IL33: variants seen among roughly 807,000 people sequenced by gnomAD.
IL33 encodes interleukin 33, also known as interleukin-33.
IL33 carries 37 observed loss-of-function variants against 27.3 expected under a neutral mutation model. The ratio of observed to expected loss-of-function variants is 1.36; its 90% CI spans 1.04 to 1.78. The LOEUF (loss-of-function observed/expected upper bound fraction) is 1.78. IL33 is among the 40% of genes most tolerant of loss of function. The probability of loss-of-function intolerance (pLI) is 0.00; values close to 1 mark genes in which losing one functional copy is unlikely to be tolerated. For synonymous variants in IL33, 132 were observed against 102.9 expected, an observed-to-expected ratio of 1.28 and a Z score of -1.71; for missense variants, 406 against 311.4, an observed-to-expected ratio of 1.30 and a Z score of -2.29.
chr9:6,215,567 A>G (rs2130033740), upstream of IL33, among the ~76,000 whole-genome samples: 1 of 152,368 alleles, frequency 6.6e-6, no homozygotes, highest in Admixed American at 6.5e-5. Flanking sequence ...CTCCAAAGAG[A>G]GCCAAAACAT....
Position 6,256,275 on chromosome 9 carries a change from C to A in IL33, c.*107C>A. The A allele has an allele frequency of 1.3e-6, 1 of 758,388 alleles. No individual in the cohort carries two copies. Among genetic ancestry groups the A allele is most frequent in the Non-Finnish European group, 2.2e-6 (1 of 457,112 alleles). 47.0% of individuals were successfully genotyped at this position (758,388 alleles called of 1,614,324 possible). On this transcript the variant is annotated 3_prime_UTR_variant, in exon 8 of 8. Coordinates refer to ENST00000682010, the MANE Select transcript of IL33 (RefSeq NM_033439.4). The stretch of plus-strand genomic sequence containing the variant: ...TGACATCTAAGGGAAATGAAGAGTG[C>A]TTAGCATGTGTGGAATGTTTTCCAT...
rs953376475 is a variant in IL33 at position 6,256,563 on chromosome 9, G to C, written c.*395G>C. On this transcript the variant is annotated 3_prime_UTR_variant, in exon 8 of 8. Transcript: ENST00000682010. The stretch of plus-strand genomic sequence containing the variant: ...GGGATCCATTTTAAAGAGCTACTTA[G>C]AGAAATAATTTTCCACAGTTCCAAA... 1 of 345,488 alleles carries C rather than the reference G, an allele frequency of 2.9e-6. No individual in the cohort carries two copies. Among genetic ancestry groups the C allele is most frequent in the Non-Finnish European group, 5.2e-6 (1 of 191,146 alleles). 21.4% of individuals were successfully genotyped at this position (345,488 alleles called of 1,614,324 possible).
intron 7 of IL33, 101 bp from the exon 8 acceptor site, chr9:6,255,867 G>T (rs1175381285): frequency 2.2e-6 from 2 of 910,224 alleles, no homozygotes; most frequent in East Asian, 2.4e-5. Flanking sequence ...GAAATATCAA[G>T]TCATAAATAA....
At chr9:6,253,716 C>T in intron 6 of IL33, 114 bp downstream of exon 6, 1 of 691,426 alleles carries the variant, frequency 1.4e-6, no homozygotes, top group South Asian at 2.1e-5. Flanking sequence ...AGAAGGTTAT[C>T]TCCAACCCAA....
intron 7 of IL33, 61 bp from the exon 8 acceptor site, chr9:6,255,907 G>A: frequency 1.5e-6 from 2 of 1,343,816 alleles, no homozygotes; most frequent in Non-Finnish European, 2.1e-6. Context: ...AATACAGGCA[G>A]GTAAAGTTGA....
upstream of IL33, among the ~76,000 whole-genome samples, chr9:6,215,537 G>A (rs2130033461): frequency 6.6e-6 from 1 of 152,334 alleles, no homozygotes; most frequent in Middle Eastern, 3.4e-3. Flanking sequence ...CAGTGCTGAA[G>A]TTGAAGTTTA....
At chr9:6,250,932 C>T (rs1207426652) in intron 3 of IL33, among the ~76,000 whole-genome samples, 1 of 151,960 alleles carries the variant, frequency 6.6e-6, no homozygotes, top group African/African-American at 2.4e-5. Flanking sequence ...CTGTGGGTGA[C>T]TAGTTTTCTT....
intron 1 of IL33, among the ~76,000 whole-genome samples, chr9:6,221,938 G>A (rs1818429611): frequency 6.6e-6 from 1 of 152,140 alleles, no homozygotes; most frequent in South Asian, 2.1e-4. Context: ...CCAGCTACCA[G>A]GTAAGTAAGG....
intron 1 of IL33, among the ~76,000 whole-genome samples, chr9:6,230,085 T>C (rs1018004184): frequency 3.9e-5 from 6 of 151,934 alleles, no homozygotes; most frequent in Admixed American, 6.6e-5. Flanking sequence ...GTAAGTAAGG[T>C]TGGAAAAGTT....
chr9:6,240,309 G>A (rs2130305944), intron 1 of IL33, among the ~76,000 whole-genome samples: 1 of 152,252 alleles, frequency 6.6e-6, no homozygotes, highest in East Asian at 1.9e-4. Context: ...ATTTGGTCCA[G>A]AAAGGTGGGA....
At chr9:6,231,229 T>C (rs1322556697) in intron 1 of IL33, among the ~76,000 whole-genome samples, 1 of 152,200 alleles carries the variant, frequency 6.6e-6, no homozygotes, top group Non-Finnish European at 1.5e-5. Context: ...AACCCTTCTT[T>C]GGCTTCTCAA....
rs550006671 is a variant in IL33, at chr9:6,223,816, G to A, written c.-12+7964G>A. ...TTTTGCTCGCTTAATCAGAAGTTTC[G>A]TCGGGCAGTTTCAGAGTTGGTGTCA... is the stretch of plus-strand genomic sequence containing the variant. On this transcript the variant is annotated intron_variant, in intron 1 of 7. Coordinates refer to ENST00000682010, the MANE Select transcript of IL33 (RefSeq NM_033439.4). 9.2e-5 allele frequency among the ~76,000 whole-genome samples: 14 copies of A among 152,208 alleles called. No individual in the cohort carries two copies. The South Asian group carries it at 2.1e-3, about 23-fold the overall frequency.
At chr9:6,240,061 G>A (rs764360998) in intron 1 of IL33, among the ~76,000 whole-genome samples, 1 of 152,098 alleles carries the variant, frequency 6.6e-6, no homozygotes, top group South Asian at 2.1e-4. Flanking sequence ...CTATACTAAA[G>A]TATAACAAAA....
chr9:6,255,955 C>G lies in IL33; in HGVS notation c.613-13C>G, dbSNP rs370405638. Reference sequence around the variant, plus strand: ...CATTCACATATGGATTGCTTTCTCTCTTGTTTCCTCAGCTCCATAAGTGTG... The same window carrying G: ...CATTCACATATGGATTGCTTTCTCTGTTGTTTCCTCAGCTCCATAAGTGTG... On this transcript the variant is annotated splice_polypyrimidine_tract_variant and intron_variant, in intron 7 of 7. Transcript: ENST00000682010. 2.2e-5 allele frequency: 36 copies of G among 1,611,496 alleles called. No homozygotes were observed. In the Middle Eastern group the frequency reaches 4.9e-4, roughly 22 times the overall value.
At chr9:6,236,735 T>C (rs1397618723) in intron 1 of IL33, among the ~76,000 whole-genome samples, 1 of 152,084 alleles carries the variant, frequency 6.6e-6, no homozygotes, top group African/African-American at 2.4e-5. Context: ...CCAGGTGTGG[T>C]GGCATACACC....
At chr9:6,222,006 T>G (rs928184470) in intron 1 of IL33, among the ~76,000 whole-genome samples, 2 of 152,140 alleles carry the variant, frequency 1.3e-5, no homozygotes, top group Non-Finnish European at 2.9e-5. Context: ...GGGGAATAGC[T>G]GGAGTAGCCC....
At chr9:6,255,451 A>G (rs1370057947) in intron 7 of IL33, among the ~76,000 whole-genome samples, 1 of 152,150 alleles carries the variant, frequency 6.6e-6, no homozygotes, top group Non-Finnish European at 1.5e-5. Flanking sequence ...AATGTTTTAC[A>G]AATATTATTT....
intron 1 of IL33, among the ~76,000 whole-genome samples, chr9:6,238,996 T>A (rs578067783): frequency 4.3e-4 from 66 of 152,292 alleles, no homozygotes; most frequent in African/African-American, 1.4e-3. Flanking sequence ...CTTGCTTGAA[T>A]CAAGTATTAA....
intron 1 of IL33, among the ~76,000 whole-genome samples, chr9:6,241,332 C>A (rs572873014): frequency 6.6e-6 from 1 of 152,280 alleles, no homozygotes; most frequent in East Asian, 1.9e-4. Flanking sequence ...ATACAACTGG[C>A]AGTGCAGTGG....
Sources: gnomAD v4.1 joint callset for allele counts (sites outside exome capture counted in the v4.1 genomes callset) on GRCh38, gnomAD v4.1.1 for gene constraint, MANE v1.5 for transcripts, NCBI Gene and HGNC (gene_info 2026-07-23, HGNC 2026-07-21) for gene names.